The following P2RY8 variants were observed in gnomAD, a reference collection of about 807,000 sequenced individuals.
The protein encoded by P2RY8 is P2Y receptor family member 8, also known as S-geranylgeranyl-glutathione receptor P2RY8.
A neutral mutation model predicts 10.0 loss-of-function variants in P2RY8; 6 were observed. The observed-to-expected ratio is 0.60, with a 90% CI of 0.33 to 1.19. P2RY8 has a LOEUF of 1.19. Among genes scored for constraint, P2RY8 ranks in the 50% most tolerant of loss-of-function variants. The probability of loss-of-function intolerance (pLI) is 0.04; values close to 1 mark genes in which losing one functional copy is unlikely to be tolerated. For missense variants in P2RY8, 456 were observed against 542.0 expected (o/e 0.84, Z 1.58); for synonymous variants, 276 against 252.5 (o/e 1.09, Z -0.88).
intron 1 of P2RY8, among the ~76,000 whole-genome samples, chrX:1,535,714 C>G (rs868082420): frequency 1.2e-3 from 170 of 145,548 alleles, no homozygotes; most frequent in African/African-American, 3.9e-3. Flanking sequence ...CACACACACA[C>G]AGACACACAC....
chrX:1,474,386 G>C (rs1468353040), intron 1 of P2RY8, among the ~76,000 whole-genome samples: 2 of 114,736 alleles, frequency 1.7e-5, no homozygotes, highest in Non-Finnish European at 4.1e-5. Flanking sequence ...TGGGTGGGTG[G>C]ATGGATGGAT....
chrX:1,505,987 C>CTTT (rs542485545), intron 1 of P2RY8, among the ~76,000 whole-genome samples: 435 of 108,766 alleles, frequency 4.0e-3, no homozygotes, highest in Non-Finnish European at 5.0e-3. Flanking sequence ...TTTCTTTCTT[C>CTTT]TTTTTTTTTT....
chrX:1,515,861 G>A (rs1311909848), intron 1 of P2RY8, among the ~76,000 whole-genome samples: 1 of 148,924 alleles, frequency 6.7e-6, no homozygotes, highest in Non-Finnish European at 1.5e-5. Flanking sequence ...GCTCCATGAT[G>A]AGACAAATTT....
chrX:1,500,803 C>A (rs1188719951), intron 1 of P2RY8, among the ~76,000 whole-genome samples: 1 of 152,108 alleles, frequency 6.6e-6, no homozygotes, highest in Admixed American at 6.6e-5. Context: ...CCGCCACCCC[C>A]AGCCCTGTTT....
intron 1 of P2RY8, among the ~76,000 whole-genome samples, chrX:1,480,310 T>A (rs1300547625): frequency 1.3e-5 from 2 of 150,792 alleles, no homozygotes; most frequent in African/African-American, 2.4e-5. Flanking sequence ...TTTTTTTTTA[T>A]TGGCTGAGTC....
chrX:1,526,474 A>T (rs1339849340), intron 1 of P2RY8, among the ~76,000 whole-genome samples: 12 of 152,022 alleles, frequency 7.9e-5, no homozygotes, highest in Admixed American at 6.6e-4. Context: ...CCACTCATCC[A>T]TCCATCCATT....
intron 1 of P2RY8, among the ~76,000 whole-genome samples, chrX:1,477,641 T>TCTTCC (rs1271211657): frequency 6.6e-6 from 1 of 152,156 alleles, no homozygotes; most frequent in Non-Finnish European, 1.5e-5. Flanking sequence ...GGAAGATGCG[T>TCTTCC]CTGGCATCTG....
chrX:1,496,515 G>T (rs1461323955), intron 1 of P2RY8, among the ~76,000 whole-genome samples: 1 of 152,050 alleles, frequency 6.6e-6, no homozygotes, highest in African/African-American at 2.4e-5. Flanking sequence ...CTTGTCTGCA[G>T]TTCCCAAATC....
chrX:1,536,451 G>A (rs1304852543), intron 1 of P2RY8, among the ~76,000 whole-genome samples: 10 of 151,936 alleles, frequency 6.6e-5, no homozygotes, highest in South Asian at 4.1e-4. Flanking sequence ...TAGTAGAGAC[G>A]GGGTTTCACC....
chrX:1,489,055 G>C (rs1291860181), intron 1 of P2RY8, among the ~76,000 whole-genome samples: 1 of 151,488 alleles, frequency 6.6e-6, no homozygotes, highest in East Asian at 2.0e-4. Flanking sequence ...GACACCCAGA[G>C]ATTCATTCCC....
chrX:1,467,903 T>G (rs1162267570), intron 1 of P2RY8, among the ~76,000 whole-genome samples: 43 of 148,936 alleles, frequency 2.9e-4, no homozygotes, highest in Admixed American at 2.7e-3. Context: ...GGTCTCAAAC[T>G]CCTGGCCTCA....
chrX:1,517,546 C>T (rs2092360419), intron 1 of P2RY8, among the ~76,000 whole-genome samples: 1 of 152,178 alleles, frequency 6.6e-6, no homozygotes, highest in South Asian at 2.1e-4. Flanking sequence ...AGGAAGTCAT[C>T]TGAGGGCTCT....
chrX:1,465,842 G>T lies in P2RY8; in HGVS notation c.717C>A (p.Ala239=), dbSNP rs376408978. Residue 239 remains alanine, a synonymous_variant, in exon 2 of 2, where the codon GCC becomes GCA. Transcript: ENST00000381297. ...TGACAAAGGCCAGCAAGACCACCGCGGCCAGGCCCACCGCGCGCCTCCGCT... is the reference window on the plus strand; with the variant it reads ...TGACAAAGGCCAGCAAGACCACCGCTGCCAGGCCCACCGCGCGCCTCCGCT... ...REQRRRAVGL[A]AVVLLAFVTC... The T allele has an allele frequency of 6.2e-7, 1 of 1,612,778 alleles. No homozygotes were observed. The highest frequency in any genetic ancestry group is 1.1e-5 in the South Asian group (1 of 91,068).
At chrX:1,506,231 G>A (rs1455673679) in intron 1 of P2RY8, among the ~76,000 whole-genome samples, 1 of 151,992 alleles carries the variant, frequency 6.6e-6, no homozygotes, top group Non-Finnish European at 1.5e-5. Flanking sequence ...GACCTTAGAC[G>A]ACCCGCCTGC....
At chrX:1,473,939 GTGGGTGGATGGA>G (rs2091837956) in intron 1 of P2RY8, among the ~76,000 whole-genome samples, 1 of 151,168 alleles carries the variant, frequency 6.6e-6, no homozygotes, top group Non-Finnish European at 1.5e-5. Flanking sequence ...AGGTGGATGG[GTGGGTGGATGGA>G]TGGGTGGATA....
At chrX:1,498,115 CTG>C (rs1262454205) in intron 1 of P2RY8, among the ~76,000 whole-genome samples, 5 of 151,982 alleles carry the variant, frequency 3.3e-5, no homozygotes, top group African/African-American at 9.7e-5. Flanking sequence ...TGTCAGAAAA[CTG>C]TTGATGAGGC....
At chrX:1,514,840 T>TTCC (rs1169001662) in intron 1 of P2RY8, among the ~76,000 whole-genome samples, 1 of 29,116 alleles carries the variant, frequency 3.4e-5, no homozygotes, top group African/African-American at 1.1e-4. Context: ...TTTCCTTCCC[T>TTCC]TTCCCTTTCC....
At chrX:1,506,727 G>C (rs2149400672) in intron 1 of P2RY8, among the ~76,000 whole-genome samples, 1 of 151,582 alleles carries the variant, frequency 6.6e-6, no homozygotes, top group African/African-American at 2.4e-5. Flanking sequence ...GCCCAGGCTG[G>C]AGTGCAGTGG....
chrX:1,509,751 G>GTATCTATGTATCTATCTA (rs1481742595), intron 1 of P2RY8, among the ~76,000 whole-genome samples: 4 of 78,286 alleles, frequency 5.1e-5, no homozygotes, highest in African/African-American at 1.8e-4. Context: ...GTATCTATCT[G>GTATCTATGTATCTATCTA]TCTATCTATC....
Sources: gnomAD v4.1 joint callset for allele counts (sites outside exome capture counted in the v4.1 genomes callset) on GRCh38, gnomAD v4.1.1 for gene constraint, MANE v1.5 for transcripts, NCBI Gene and HGNC (gene_info 2026-07-23, HGNC 2026-07-21) for gene names.